SLC14A2: variants seen among roughly 807,000 people sequenced by gnomAD.
SLC14A2 encodes solute carrier family 14 member 2, also known as urea transporter 2.
Under a neutral mutation model 104.6 loss-of-function variants are expected in SLC14A2, and 91 were observed. The observed-to-expected ratio is 0.87, with a 90% CI of 0.73 to 1.04. The LOEUF is 1.04. Ranked by LOEUF, SLC14A2 falls within the 50% of genes least tolerant of loss-of-function variation. The probability of loss-of-function intolerance (pLI) is 0.00; values close to 1 mark genes in which losing one functional copy is unlikely to be tolerated. For synonymous variants in SLC14A2, 476 were observed against 466.4 expected (o/e 1.02, Z -0.27); for missense variants, 1,189 against 1,156.0 (o/e 1.03, Z -0.41).
At chr18:45,291,418 T>C (rs1029990059) in intron 1 of SLC14A2, among the ~76,000 whole-genome samples, 1 of 152,146 alleles carries the variant, frequency 6.6e-6, no homozygotes, top group Non-Finnish European at 1.5e-5. Context: ...TGCAGATCCA[T>C]TACCTTTCCC....
At chr18:45,491,197 A>G (rs1282192614) in intron 2 of SLC14A2, among the ~76,000 whole-genome samples, 1 of 152,240 alleles carries the variant, frequency 6.6e-6, no homozygotes, top group East Asian at 1.9e-4. Context: ...AAAATTGGAA[A>G]ACAATTTAAA....
chr18:45,504,252 T>C (rs1316717571), intron 2 of SLC14A2, among the ~76,000 whole-genome samples: 2 of 152,244 alleles, frequency 1.3e-5, no homozygotes, highest in African/African-American at 2.4e-5. Flanking sequence ...GGGAGGGCTC[T>C]TCCTTCCCTG....
intron 10 of SLC14A2, among the ~76,000 whole-genome samples, chr18:45,659,101 G>C (rs776905820): frequency 6.6e-6 from 1 of 152,170 alleles, no homozygotes. Flanking sequence ...CACCAAGCAG[G>C]TATGCCGAGG....
chr18:45,418,589 C>T (rs930527187), intron 1 of SLC14A2, among the ~76,000 whole-genome samples: 1 of 152,190 alleles, frequency 6.6e-6, no homozygotes, highest in African/African-American at 2.4e-5. Context: ...ACGGTACCTT[C>T]AGGTCAGATT....
the SLC14A2 span, among the ~76,000 whole-genome samples, chr18:45,188,754 G>A: frequency 2.0e-5 from 3 of 152,272 alleles, no homozygotes; most frequent in Non-Finnish European, 2.9e-5. Flanking sequence ...GCCTTAGATG[G>A]AGTATGAAGG....
intron 2 of SLC14A2, among the ~76,000 whole-genome samples, chr18:45,497,044 G>C (rs1445867654): frequency 6.6e-6 from 1 of 152,152 alleles, no homozygotes; most frequent in Non-Finnish European, 1.5e-5. Context: ...CTCTTCCCCA[G>C]CTTGCAGACA....
intron 1 of SLC14A2, among the ~76,000 whole-genome samples, chr18:45,392,377 T>G (rs926308883): frequency 2.0e-5 from 3 of 152,218 alleles, no homozygotes; most frequent in Non-Finnish European, 4.4e-5. Context: ...CATAGTCAAC[T>G]GGGCTTATGG....
intron 1 of SLC14A2, among the ~76,000 whole-genome samples, chr18:45,283,064 G>T (rs746730929): frequency 2.6e-5 from 4 of 152,166 alleles, no homozygotes; most frequent in African/African-American, 9.7e-5. Context: ...TCCCTCCTCC[G>T]TGAGAACGAA....
intron 1 of SLC14A2, among the ~76,000 whole-genome samples, chr18:45,460,020 A>C (rs2087015415): frequency 6.6e-6 from 1 of 152,136 alleles, no homozygotes; most frequent in Non-Finnish European, 1.5e-5. Context: ...TTTGGTCAGC[A>C]CCCAATATCC....
chr18:45,220,145 A>G (rs750914866), intron 1 of SLC14A2, among the ~76,000 whole-genome samples: 5 of 152,178 alleles, frequency 3.3e-5, no homozygotes, highest in Non-Finnish European at 5.9e-5. Flanking sequence ...GTCATTCCTA[A>G]TAGAGCTAGG....
At chr18:45,535,434 T>G (rs2543018) in intron 2 of SLC14A2, among the ~76,000 whole-genome samples, 88,686 of 152,086 alleles carry the variant, frequency 0.58, 27,689 homozygotes, top group African/African-American at 0.83. Context: ...CAGTACACAG[T>G]CTCCGTTACT....
At chr18:45,539,623 GC>G (rs1462724302) in intron 2 of SLC14A2, among the ~76,000 whole-genome samples, 2 of 152,192 alleles carry the variant, frequency 1.3e-5, no homozygotes, top group Non-Finnish European at 2.9e-5. Flanking sequence ...ATGCAGGAGA[GC>G]CTTTGAAATA....
the SLC14A2 span, among the ~76,000 whole-genome samples, chr18:45,205,899 G>C: frequency 6.6e-6 from 1 of 152,206 alleles, no homozygotes; most frequent in African/African-American, 2.4e-5. Context: ...GAGGACAGCA[G>C]CATGGAAAGA....
intron 1 of SLC14A2, among the ~76,000 whole-genome samples, chr18:45,393,183 G>T (rs1338553165): frequency 6.6e-6 from 1 of 152,134 alleles, no homozygotes; most frequent in East Asian, 1.9e-4. Flanking sequence ...AGGAGCTTAC[G>T]TTTTATTATC....
intron 1 of SLC14A2, among the ~76,000 whole-genome samples, chr18:45,401,004 A>C (rs185708963): frequency 6.6e-6 from 1 of 152,288 alleles, no homozygotes; most frequent in African/African-American, 2.4e-5. Flanking sequence ...GCCATTTCCC[A>C]AGGATCCCTT....
At chr18:45,169,300 T>C in the SLC14A2 span, among the ~76,000 whole-genome samples, 2 of 152,226 alleles carry the variant, frequency 1.3e-5, no homozygotes, top group Non-Finnish European at 1.5e-5. Flanking sequence ...TCTGCTGTTG[T>C]ATGGAATTTT....
intron 1 of SLC14A2, among the ~76,000 whole-genome samples, chr18:45,333,502 A>G (rs1265654941): frequency 6.6e-6 from 1 of 152,236 alleles, no homozygotes; most frequent in Non-Finnish European, 1.5e-5. Flanking sequence ...TTTATATTCT[A>G]CAATATGCCT....
At chr18:45,178,521 A>G in the SLC14A2 span, among the ~76,000 whole-genome samples, 1 of 152,198 alleles carries the variant, frequency 6.6e-6, no homozygotes, top group Non-Finnish European at 1.5e-5. Flanking sequence ...GCAAAGATAT[A>G]AATACCTCTG....
rs78386524 is a variant in SLC14A2, at chr18:45,408,658, C to A, written c.-124-74575C>A. On this transcript the variant is annotated intron_variant, in intron 1 of 20. Coordinates refer to the SLC14A2 transcript ENST00000586448. ...CCATTAATTAATACAGCGGGGAAGT[C>A]TGCAATTCTTATCTGTGGACCACAG... 9.2e-3 allele frequency among the ~76,000 whole-genome samples: 1,403 copies of A among 152,182 alleles called. 17 individuals carry two copies. Among genetic ancestry groups the A allele is most frequent in the Middle Eastern group, 0.024 (7 of 294 alleles).
Sources: gnomAD v4.1 joint callset for allele counts (sites outside exome capture counted in the v4.1 genomes callset) on GRCh38, gnomAD v4.1.1 for gene constraint, MANE v1.5 for transcripts, NCBI Gene and HGNC (gene_info 2026-07-23, HGNC 2026-07-21) for gene names.